The following PDE2A variants were observed in gnomAD, a reference collection of about 807,000 sequenced individuals.
PDE2A encodes the protein phosphodiesterase 2A.
Under a neutral mutation model 133.6 loss-of-function variants are expected in PDE2A, and 53 were observed. The observed-to-expected ratio is 0.40, with a 90% CI of 0.32 to 0.50. The LOEUF (loss-of-function observed/expected upper bound fraction) is 0.50, where lower values mean the gene tolerates loss of function less well. Among genes scored for constraint, PDE2A ranks in the 20% least tolerant of loss-of-function variants. The pLI is 0.73. For missense variants in PDE2A, 796 were observed against 1,232.4 expected, an observed-to-expected ratio of 0.65 and a Z score of 5.30; for synonymous variants, 491 against 490.2, an observed-to-expected ratio of 1.00 and a Z score of -0.02.
At chr11:72,607,018 G>A (rs1045198575) in intron 3 of PDE2A, among the ~76,000 whole-genome samples, 1 of 152,106 alleles carries the variant, frequency 6.6e-6, no homozygotes, top group Admixed American at 6.5e-5. Flanking sequence ...CCTGGGCGGG[G>A]GTCCCCTCCC....
At chr11:72,594,282 G>A (rs563062989) in intron 6 of PDE2A, among the ~76,000 whole-genome samples, 2 of 152,184 alleles carry the variant, frequency 1.3e-5, no homozygotes, top group Admixed American at 6.5e-5. Context: ...CTGGTGACTC[G>A]GCCTTCCCAA....
Position 72,619,183 on chromosome 11 carries a change from C to T in PDE2A, c.145-10432G>A, listed in dbSNP as rs114251164. On this transcript the variant is annotated intron_variant, in intron 2 of 30. Transcript: ENST00000334456. ...TTGAAAAGATGATGATGCCCTCCCA[C>T]CAGACCCTCGGACCCTCTATACAAT... 5.9e-3 allele frequency among the ~76,000 whole-genome samples: 904 copies of T among 152,332 alleles called. 11 individuals are homozygous for T. Among genetic ancestry groups the T allele is most frequent in the African/African-American group, 0.02 (816 of 41,566 alleles).
At chr11:72,673,493 A>AC (rs1855431292) in intron 1 of PDE2A, among the ~76,000 whole-genome samples, 1 of 151,034 alleles carries the variant, frequency 6.6e-6, no homozygotes, top group African/African-American at 2.4e-5. Flanking sequence ...TTGCACATGC[A>AC]CCCCCCTGCA....
chr11:72,661,408 A>C (rs1161249033), intron 1 of PDE2A, among the ~76,000 whole-genome samples: 1 of 152,068 alleles, frequency 6.6e-6, no homozygotes, highest in Non-Finnish European at 1.5e-5. Flanking sequence ...GCCTCTGTCC[A>C]GTTTTTTGGG....
intron 30 of PDE2A, among the ~76,000 whole-genome samples, chr11:72,577,992 C>T (rs1855543070): frequency 6.6e-6 from 1 of 152,162 alleles, no homozygotes; most frequent in South Asian, 2.1e-4. Flanking sequence ...AGAACTTCCA[C>T]AAGAATGTGA....
At chr11:72,641,338 G>A (rs535587659) in intron 2 of PDE2A, among the ~76,000 whole-genome samples, 15 of 152,302 alleles carry the variant, frequency 9.8e-5, no homozygotes, top group Non-Finnish European at 1.8e-4. Flanking sequence ...CATGGGGGGC[G>A]GGGGTGTCCC....
At chr11:72,637,860 T>G (rs967661625) in intron 2 of PDE2A, among the ~76,000 whole-genome samples, 1 of 152,202 alleles carries the variant, frequency 6.6e-6, no homozygotes, top group Non-Finnish European at 1.5e-5. Context: ...GAAAGCTCTG[T>G]AGCTTCTCGT....
chr11:72,589,798 G>A lies in PDE2A; in HGVS notation c.832-6C>T. ...AGCACTTTGTCTCCGATGACCTGAG[G>A]AACGGAGTGCAGGGGGCTGGTTAAA... is the stretch of plus-strand genomic sequence containing the variant. On this transcript the variant is annotated splice_polypyrimidine_tract_variant and splice_region_variant and intron_variant, in intron 10 of 30. Transcript: ENST00000334456. The A allele has an allele frequency of 6.2e-7, 1 of 1,613,688 alleles. No homozygotes were observed. Among genetic ancestry groups the A allele is most frequent in the Non-Finnish European group, 8.5e-7 (1 of 1,179,814 alleles).
In PDE2A at chr11:72,584,427, T is replaced by C. The variant is rs1387596815; in HGVS notation, c.1538-114A>G. 3.1e-6 allele frequency: 4 copies of C among 1,299,314 alleles called. No homozygotes were observed. The South Asian group carries it at 5.0e-5, about 16-fold the overall frequency. 80.5% of individuals were successfully genotyped at this position (1,299,314 alleles called of 1,614,324 possible). ...CCGCAGGTTACGTACGTCCCAGGCA[T>C]GGAACCCGACTCCCTTATGCTCCGG... On this transcript the variant is annotated intron_variant, in intron 18 of 30. Coordinates refer to ENST00000334456, the MANE Select transcript of PDE2A (RefSeq NM_002599.5).
intron 1 of PDE2A, chr11:72,657,927 G>A (rs1428201253): frequency 2.2e-6 from 1 of 456,132 alleles, no homozygotes; most frequent in African/African-American, 2.0e-5. Flanking sequence ...CAGCCTCTGT[G>A]AGCAGGGCAG....
At chr11:72,652,395 T>C in intron 1 of PDE2A, 1 of 424,600 alleles carries the variant, frequency 2.4e-6, no homozygotes, top group Non-Finnish European at 4.7e-6. Context: ...TACAGGTGCA[T>C]GACATGGCAC....
At chr11:72,608,017 G>T (rs773713398) in intron 3 of PDE2A, among the ~76,000 whole-genome samples, 5 of 152,144 alleles carry the variant, frequency 3.3e-5, no homozygotes, top group Non-Finnish European at 7.4e-5. Context: ...TTGAAGCCAG[G>T]TAGGGGAGTG....
chr11:72,583,180 C>T (rs1011649988), intron 20 of PDE2A, among the ~76,000 whole-genome samples: 1 of 152,220 alleles, frequency 6.6e-6, no homozygotes, highest in Non-Finnish European at 1.5e-5. Context: ...ATTCCCTGAA[C>T]ATGGGGAATA....
At chr11:72,638,137 A>G (rs747959702) in intron 2 of PDE2A, among the ~76,000 whole-genome samples, 19 of 152,154 alleles carry the variant, frequency 1.2e-4, no homozygotes, top group Non-Finnish European at 2.6e-4. Context: ...CCAGAGCCCA[A>G]CCTGGCAGCA....
intron 1 of PDE2A, among the ~76,000 whole-genome samples, chr11:72,659,718 C>A (rs1237613290): frequency 6.6e-6 from 1 of 152,032 alleles, no homozygotes; most frequent in Non-Finnish European, 1.5e-5. Flanking sequence ...CCAGCCCCTG[C>A]TACAGTCTGG....
Position 72,590,383 on chromosome 11 carries a change from C to G in PDE2A, c.703+44G>C, listed in dbSNP as rs1430482159. On this transcript the variant is annotated intron_variant, in intron 8 of 30. Transcript: ENST00000334456. This position sits in a 1 kb window ranked among gnomAD's most constrained non-coding sequence, Gnocchi z 4.8. ...AACCCGCCCACCTCCCCTCCAAGTT[C>G]TGCCCGGCCCCGCCCTCGTGACCTG... 3.2e-6 allele frequency: 5 copies of G among 1,570,492 alleles called. No homozygotes were observed. Among genetic ancestry groups the G allele is most frequent in the Non-Finnish European group, 4.3e-6 (5 of 1,158,400 alleles).
At chr11:72,615,802 A>C (rs1407936554) in intron 2 of PDE2A, among the ~76,000 whole-genome samples, 1 of 152,188 alleles carries the variant, frequency 6.6e-6, no homozygotes, top group Non-Finnish European at 1.5e-5. Flanking sequence ...AGCTCGCGGC[A>C]GTCACAAGGA....
At chr11:72,652,454 CT>C in intron 1 of PDE2A, 1 of 453,808 alleles carries the variant, frequency 2.2e-6, no homozygotes, top group Non-Finnish European at 4.4e-6. Flanking sequence ...GATATGGCCC[CT>C]GGTCCTCCCT....
At chr11:72,667,036 G>A (rs1855255531) in intron 1 of PDE2A, among the ~76,000 whole-genome samples, 1 of 152,188 alleles carries the variant, frequency 6.6e-6, no homozygotes, top group African/African-American at 2.4e-5. Flanking sequence ...AGCCTGGGAT[G>A]CGGAGGTTGC....
Sources: gnomAD v4.1 joint callset for allele counts (sites outside exome capture counted in the v4.1 genomes callset) on GRCh38, gnomAD v4.1.1 for gene constraint, Gnocchi (gnomAD v3.1) non-coding constraint, MANE v1.5 for transcripts, NCBI Gene and HGNC (gene_info 2026-07-23, HGNC 2026-07-21) for gene names.